RSU1: variants seen among roughly 807,000 people sequenced by gnomAD.
RSU1 encodes the protein Ras suppressor protein 1.
In RSU1, 26 loss-of-function variants were observed where a neutral mutation model predicts 31.1. The ratio of observed to expected loss-of-function variants is 0.84; its 90% CI spans 0.61 to 1.16. The LOEUF (loss-of-function observed/expected upper bound fraction) is 1.16. RSU1 is among the 50% of genes most tolerant of loss of function. The pLI is 0.00. For missense variants in RSU1, 320 were observed against 339.1 expected, an observed-to-expected ratio of 0.94 and a Z score of 0.44; for synonymous variants, 164 against 136.3, an observed-to-expected ratio of 1.20 and a Z score of -1.41.
At chr10:16,768,092 C>T (rs1588522449) in intron 3 of RSU1, among the ~76,000 whole-genome samples, 1 of 152,162 alleles carries the variant, frequency 6.6e-6, no homozygotes, top group East Asian at 1.9e-4. Flanking sequence ...ATCTTTGAAA[C>T]GATCCTTTTT....
At chr10:16,758,233 G>A (rs147477672) in intron 4 of RSU1, among the ~76,000 whole-genome samples, 2,429 of 152,290 alleles carry the variant, frequency 0.016, 39 homozygotes, top group Non-Finnish European at 0.027. Context: ...GCTACAAAGC[G>A]GCCAAGGAAC....
intron 8 of RSU1, among the ~76,000 whole-genome samples, chr10:16,675,776 G>A (rs948607845): frequency 4.6e-5 from 7 of 152,206 alleles, no homozygotes; most frequent in African/African-American, 1.7e-4. Context: ...TTTCTGCTTT[G>A]TCACTCAAAT....
At chr10:16,687,714 AATTATT>A (rs149083342) in intron 8 of RSU1, among the ~76,000 whole-genome samples, 157 of 151,720 alleles carry the variant, frequency 1.0e-3, no homozygotes, top group African/African-American at 2.9e-3. Flanking sequence ...CAAAAAATCA[AATTATT>A]ATTATTATTA....
chr10:16,611,339 A>AT (rs1390472801), intron 8 of RSU1, among the ~76,000 whole-genome samples: 3 of 152,234 alleles, frequency 2.0e-5, no homozygotes, highest in Non-Finnish European at 4.4e-5. Flanking sequence ...GCTTTTATAA[A>AT]CAAGGCAATA....
chr10:16,647,765 T>A (rs914915866), intron 8 of RSU1, among the ~76,000 whole-genome samples: 4 of 152,126 alleles, frequency 2.6e-5, no homozygotes, highest in African/African-American at 9.7e-5. Flanking sequence ...GCTAACTGTA[T>A]GAATATATAA....
intron 7 of RSU1, among the ~76,000 whole-genome samples, chr10:16,738,054 C>G (rs1836668334): frequency 6.6e-6 from 1 of 152,102 alleles, no homozygotes; most frequent in East Asian, 1.9e-4. Flanking sequence ...CCAGGTCTTA[C>G]AAAAGAAAAT....
intron 7 of RSU1, among the ~76,000 whole-genome samples, chr10:16,735,481 C>A (rs7911560): frequency 0.037 from 5,626 of 152,208 alleles, 363 homozygotes; most frequent in African/African-American, 0.13. Context: ...TTGCTTCTGG[C>A]ATTCTGAAGT....
intron 4 of RSU1, 98 bp from the exon 5 acceptor site, chr10:16,755,087 A>T: frequency 1.5e-6 from 1 of 677,634 alleles, no homozygotes; most frequent in East Asian, 2.6e-5. Context: ...AGTGTAAGAC[A>T]GTGCCATGAT....
At chr10:16,731,657 A>C (rs1445022590) in intron 7 of RSU1, among the ~76,000 whole-genome samples, 2 of 152,070 alleles carry the variant, frequency 1.3e-5, no homozygotes, top group Admixed American at 1.3e-4. Context: ...CTTTACTATC[A>C]CTTTGCATTA....
intron 7 of RSU1, among the ~76,000 whole-genome samples, chr10:16,698,710 G>A (rs1835728776): frequency 6.6e-6 from 1 of 152,180 alleles, no homozygotes; most frequent in Non-Finnish European, 1.5e-5. Context: ...GAGCACACAG[G>A]AGACGCTGGA....
rs574093973 is a variant in RSU1, at chr10:16,678,460, G to A, written c.731+16563C>T. ...TTCCAAGATTCGGGACTCATTTTAC[G>A]AGGTGATATCACCTTGAAAATTTTT... On this transcript the variant is annotated intron_variant, in intron 8 of 8. Transcript: ENST00000345264. Among the ~76,000 whole-genome samples the A allele has an allele frequency of 9.2e-5, 14 of 152,250 alleles. No homozygotes were observed. In the South Asian group the frequency reaches 2.1e-3, roughly 23 times the overall value.
intron 8 of RSU1, among the ~76,000 whole-genome samples, chr10:16,599,405 G>T (rs1011060891): frequency 2.0e-5 from 3 of 152,058 alleles, no homozygotes; most frequent in African/African-American, 7.2e-5. Context: ...GTGCCCTCAG[G>T]GCCACTGCAG....
intron 4 of RSU1, among the ~76,000 whole-genome samples, chr10:16,763,981 A>G (rs1837259917): frequency 6.6e-6 from 1 of 152,160 alleles, no homozygotes. Context: ...TAGGGAAAAT[A>G]TTCTTCCCTC....
At chr10:16,808,295 T>A (rs552965587) in intron 2 of RSU1, among the ~76,000 whole-genome samples, 84 of 151,698 alleles carry the variant, frequency 5.5e-4, no homozygotes, top group Admixed American at 2.2e-3. Context: ...CTGGTCAACA[T>A]GGCAAAACCC....
At chr10:16,744,978 C>G (rs759506285) in intron 7 of RSU1, among the ~76,000 whole-genome samples, 1 of 152,172 alleles carries the variant, frequency 6.6e-6, no homozygotes, top group Non-Finnish European at 1.5e-5. Flanking sequence ...ACAGGATACA[C>G]TGACCAATCC....
At chr10:16,695,213 G>A (rs11254154) in intron 7 of RSU1, 58 bp from the exon 8 acceptor site, 2 of 1,519,934 alleles carry the variant, frequency 1.3e-6, no homozygotes, top group Admixed American at 4.0e-5. Context: ...TCAGGTCTAA[G>A]AAGTCCTTCT....
intron 4 of RSU1, among the ~76,000 whole-genome samples, chr10:16,756,942 G>A (rs554633825): frequency 2.0e-5 from 3 of 150,000 alleles, no homozygotes; most frequent in African/African-American, 7.4e-5. Flanking sequence ...TGTGGGGGCG[G>A]GTATGTGTGT....
chr10:16,785,710 G>T (rs1391273368), intron 2 of RSU1, among the ~76,000 whole-genome samples: 1 of 130,184 alleles, frequency 7.7e-6, no homozygotes, highest in Admixed American at 7.9e-5. Context: ...CTTTGGCAGG[G>T]ATATCGCAGA....
At chr10:16,801,670 T>C (rs539137828) in intron 2 of RSU1, among the ~76,000 whole-genome samples, 3 of 151,938 alleles carry the variant, frequency 2.0e-5, no homozygotes, top group East Asian at 1.9e-4. Flanking sequence ...CTTAAGAAAA[T>C]AGAAATTATA....
Sources: gnomAD v4.1 joint callset for allele counts (sites outside exome capture counted in the v4.1 genomes callset) on GRCh38, gnomAD v4.1.1 for gene constraint, MANE v1.5 for transcripts, NCBI Gene and HGNC (gene_info 2026-07-23, HGNC 2026-07-21) for gene names.